Variants in ZMYM4 observed in about 807,000 individuals in gnomAD.
ZMYM4 encodes zinc finger MYM-type protein 4.
In ZMYM4, 31 loss-of-function variants were observed where a neutral mutation model predicts 183.2. The ratio of observed to expected loss-of-function variants is 0.17; its 90% CI spans 0.13 to 0.23. ZMYM4 has a LOEUF of 0.23. Among genes scored for constraint, ZMYM4 ranks in the 10% least tolerant of loss-of-function variants. The pLI is 1.00. For missense variants in ZMYM4, 1,273 were observed against 1,840.3 expected (o/e 0.69, Z 5.64); for synonymous variants, 592 against 631.2 (o/e 0.94, Z 0.93).
chr1:35,352,538 A>T (rs1406196622), intron 2 of ZMYM4, among the ~76,000 whole-genome samples: 1 of 151,970 alleles, frequency 6.6e-6, no homozygotes. Context: ...ATCTCCTCTC[A>T]ATCTCTATTG....
At chr1:35,370,703 A>G (rs1644185688) in intron 7 of ZMYM4, 76 bp downstream of exon 7, 7 of 1,153,072 alleles carry the variant, frequency 6.1e-6, no homozygotes, top group Non-Finnish European at 7.9e-6. Flanking sequence ...GTCATGTATT[A>G]CATTTGATAT....
chr1:35,416,992 A>G (rs537674881), intron 28 of ZMYM4, among the ~76,000 whole-genome samples: 1 of 152,314 alleles, frequency 6.6e-6, no homozygotes, highest in South Asian at 2.1e-4. Context: ...AAGTCTTTCT[A>G]TTTAGCTAGC....
At chr1:35,299,031 G>GTTTTT (rs75810224) in intron 1 of ZMYM4, among the ~76,000 whole-genome samples, 1 of 135,326 alleles carries the variant, frequency 7.4e-6, no homozygotes, top group African/African-American at 2.7e-5. Context: ...AGTTTTGAAA[G>GTTTTT]TTTTTTTTTT....
chr1:35,341,001 G>A (rs1336798484), intron 2 of ZMYM4, among the ~76,000 whole-genome samples: 2 of 151,758 alleles, frequency 1.3e-5, no homozygotes, highest in African/African-American at 4.8e-5. Flanking sequence ...AACTGAATTA[G>A]CACCACTGAG....
Position 35,419,761 on chromosome 1 carries a change from G to C in ZMYM4, c.*84G>C. 7.2e-7 allele frequency: 1 copy of C among 1,382,038 alleles called. No individual in the cohort carries two copies. 85.6% of individuals were successfully genotyped at this position (1,382,038 alleles called of 1,614,324 possible). On this transcript the variant is annotated 3_prime_UTR_variant, in exon 30 of 30. Coordinates refer to ENST00000314607, the MANE Select transcript of ZMYM4 (RefSeq NM_005095.3). ...CCAGCTGTTGGAAAATGATGTATAA[G>C]TCTAAGTCCTCTTGACTTGACCATA...
intron 1 of ZMYM4, among the ~76,000 whole-genome samples, chr1:35,296,207 T>C (rs1011844989): frequency 2.6e-5 from 4 of 152,116 alleles, no homozygotes; most frequent in African/African-American, 7.2e-5. Flanking sequence ...GGAAATGTAG[T>C]TGGGTGGTAG....
intron 26 of ZMYM4, 25 bp downstream of exon 26, chr1:35,408,184 T>A (rs765048862): frequency 6.2e-7 from 1 of 1,613,040 alleles, no homozygotes; most frequent in South Asian, 1.1e-5. Context: ...ATATGGATTC[T>A]TCAACCTAGC....
In ZMYM4 at chr1:35,373,606, G is replaced by C. The variant is rs1273010880; in HGVS notation, c.1181+2979G>C. 2.7e-5 allele frequency among the ~76,000 whole-genome samples: 4 copies of C among 150,038 alleles called. No individual in the cohort carries two copies. In the South Asian group the frequency reaches 8.4e-4, roughly 32 times the overall value. ...GATGGCGTTTCACCATGTTGGTCAG[G>C]CTGGTCTCAAACTCCTGACCTCCTG... On this transcript the variant is annotated intron_variant, in intron 7 of 29. Coordinates refer to ENST00000314607, the MANE Select transcript of ZMYM4 (RefSeq NM_005095.3).
intron 5 of ZMYM4, among the ~76,000 whole-genome samples, chr1:35,365,239 CTTTTT>C (rs746304675): frequency 3.5e-5 from 3 of 85,326 alleles, no homozygotes; most frequent in Non-Finnish European, 4.9e-5. Context: ...TAATCAAAGT[CTTTTT>C]TTTTTTTTTT....
chr1:35,304,842 A>C (rs1374702711), intron 1 of ZMYM4, among the ~76,000 whole-genome samples: 1 of 8,160 alleles, frequency 1.2e-4, no homozygotes, highest in Non-Finnish European at 2.7e-4. Flanking sequence ...CTCCACAAGT[A>C]AACTTTATTT....
Position 35,370,547 on chromosome 1 carries a change from A to T in ZMYM4, c.1101A>T (p.Thr367=), listed in dbSNP as rs770764484. Residue 367 remains threonine, a synonymous_variant, in exon 7 of 30, where the codon ACA becomes ACT. Transcript: ENST00000314607. ...GGTCTACTCAGCTATTCTGCTCCACACTGTGCCTCACTGGATATACAGTTC... is the reference window on the plus strand; with the variant it reads ...GGTCTACTCAGCTATTCTGCTCCACTCTGTGCCTCACTGGATATACAGTTC... ...RKGSTQLFCS[T]LCLTGYTVPP... The T allele has an allele frequency of 1.2e-6, 2 of 1,613,230 alleles. No individual in the cohort carries two copies. Among genetic ancestry groups the T allele is most frequent in the Admixed American group, 1.7e-5 (1 of 59,968 alleles).
intron 25 of ZMYM4, among the ~76,000 whole-genome samples, chr1:35,407,514 C>T (rs995077704): frequency 6.6e-6 from 1 of 151,718 alleles, no homozygotes; most frequent in Non-Finnish European, 1.5e-5. Context: ...TACCATTAAG[C>T]ACTGTGAATT....
intron 1 of ZMYM4, among the ~76,000 whole-genome samples, chr1:35,288,919 C>G (rs1196061910): frequency 6.6e-6 from 1 of 152,176 alleles, no homozygotes; most frequent in African/African-American, 2.4e-5. Context: ...TATTGTTACT[C>G]TGTCTCCAGT....
chr1:35,387,616 A>T lies in ZMYM4; in HGVS notation c.2263+12A>T. 1 of 1,597,738 alleles carries T rather than the reference A, an allele frequency of 6.3e-7. No homozygotes were observed. The highest frequency in any genetic ancestry group is 8.5e-7 in the Non-Finnish European group (1 of 1,175,156). On this transcript the variant is annotated intron_variant, in intron 13 of 29. Coordinates refer to ENST00000314607, the MANE Select transcript of ZMYM4 (RefSeq NM_005095.3). The stretch of plus-strand genomic sequence containing the variant: ...ATTCTGTAGTGAAGGTAAAGACAGA[A>T]GATTATCTTACCTACTGAGCATGTT...
chr1:35,302,659 A>T (rs1641344551), intron 1 of ZMYM4, among the ~76,000 whole-genome samples: 2 of 152,020 alleles, frequency 1.3e-5, no homozygotes, highest in Admixed American at 6.6e-5. Context: ...TGCTGGGATT[A>T]CAGGTGTGAG....
chr1:35,370,603 A>G lies in ZMYM4; in HGVS notation c.1157A>G (p.Lys386Arg). Residue 386 changes from lysine to arginine, a missense_variant, in exon 7 of 30, where the codon AAG becomes AGG. Around this residue, in one of 6 missense-constraint regions of ZMYM4, gnomAD observed 384 missense variants for 465.6 expected, o/e 0.82. Coordinates refer to ENST00000314607, the MANE Select transcript of ZMYM4 (RefSeq NM_005095.3). ...PPARPPPPLT[K>R]KTCSSCSKDI... ...GCCCGCCCACCGCCTCCTCTCACCA[A>G]GAAAACTTGTTCAAGTTGCTCAAAG... 11 of 1,610,114 alleles carry G rather than the reference A, an allele frequency of 6.8e-6. No homozygotes were observed. The highest frequency in any genetic ancestry group is 1.1e-5 in the South Asian group (1 of 90,486).
In ZMYM4 at chr1:35,414,096, T is replaced by C; in HGVS notation, c.4060+13T>C. 2 of 1,431,378 alleles carry C rather than the reference T, an allele frequency of 1.4e-6. No homozygotes were observed. Among genetic ancestry groups the C allele is most frequent in the Non-Finnish European group, 1.9e-6 (2 of 1,041,246 alleles). The allele number at this position is 1,431,378 out of a possible 1,614,324, so 88.7% of individuals were successfully genotyped here. A position where few individuals can be genotyped will look rare whatever the true frequency, so the allele number is the denominator to read the frequency against. On this transcript the variant is annotated intron_variant, in intron 27 of 29. Coordinates refer to ENST00000314607, the MANE Select transcript of ZMYM4 (RefSeq NM_005095.3). Reference sequence around the variant, plus strand: ...ATACTTCCTAATGGTAGGGTGATTTTTTTTTTATTGTTTTCATGATATGCT... The same window carrying C: ...ATACTTCCTAATGGTAGGGTGATTTCTTTTTTATTGTTTTCATGATATGCT...
chr1:35,405,024 G>A lies in ZMYM4; in HGVS notation c.3530G>A (p.Gly1177Glu). ...TGTAAATTTTTGGAATTCTTACAGG[G>A]ACGGAAGAAGTCTATAGTGGCTGTG... ...RDGFPQPRRR[G>E]RKKSIVAVEP... The change falls in exon 24 of 30, where the codon GGA (glycine) becomes GAA (glutamate). Residue 1177 changes from glycine to glutamate, a missense_variant and splice_region_variant. Gly to Glu is a moderately conservative substitution (Grantham distance 98). This residue lies in a region of ZMYM4 where 133 missense variants were observed against 155.7 expected (regional missense o/e 0.85). Coordinates refer to ENST00000314607, the MANE Select transcript of ZMYM4 (RefSeq NM_005095.3). 6.3e-7 allele frequency: 1 copy of A among 1,584,010 alleles called. No homozygotes were observed. The highest frequency in any genetic ancestry group is 1.2e-5 in the South Asian group (1 of 85,052).
chr1:35,354,174 A>G (rs1343020539), intron 2 of ZMYM4, among the ~76,000 whole-genome samples: 1 of 152,126 alleles, frequency 6.6e-6, no homozygotes, highest in Admixed American at 6.6e-5. Flanking sequence ...AAAAAAAGAA[A>G]TTGACATCTC....
Sources: gnomAD v4.1 joint callset for allele counts (sites outside exome capture counted in the v4.1 genomes callset) on GRCh38, gnomAD v4.1.1 for gene constraint, gnomAD v4.1.1 regional missense constraint, MANE v1.5 for transcripts, NCBI Gene and HGNC (gene_info 2026-07-23, HGNC 2026-07-21) for gene names.